The following PAWR variants were observed in gnomAD, a reference collection of about 807,000 sequenced individuals.
The protein encoded by PAWR is pro-apoptotic WT1 regulator.
PAWR carries 23 observed loss-of-function variants against 32.0 expected under a neutral mutation model. That is an observed-to-expected ratio of 0.72 (90% CI 0.52 to 1.02). The LOEUF (loss-of-function observed/expected upper bound fraction) is 1.02. Among genes scored for constraint, PAWR ranks in the 50% least tolerant of loss-of-function variants. PAWR has a pLI of 0.00. For synonymous variants in PAWR, 226 were observed against 187.1 expected, an observed-to-expected ratio of 1.21 and a Z score of -1.70; for missense variants, 457 against 437.7, an observed-to-expected ratio of 1.04 and a Z score of -0.39.
intron 2 of PAWR, among the ~76,000 whole-genome samples, chr12:79,629,634 A>G (rs912954374): frequency 1.3e-5 from 2 of 152,070 alleles, no homozygotes; most frequent in African/African-American, 4.8e-5. Flanking sequence ...TTGACCCAAC[A>G]TTTATAGAAC....
chr12:79,667,478 AAAC>A (rs994740442), intron 2 of PAWR, among the ~76,000 whole-genome samples: 2 of 152,240 alleles, frequency 1.3e-5, no homozygotes, highest in African/African-American at 4.8e-5. Context: ...AGACTGTGAG[AAAC>A]AACAAGCTTT....
chr12:79,623,746 T>C (rs1875144568), intron 2 of PAWR, among the ~76,000 whole-genome samples: 1 of 151,976 alleles, frequency 6.6e-6, no homozygotes, highest in African/African-American at 2.4e-5. Flanking sequence ...CATGAAGAAA[T>C]TTATTTGGAA....
At chr12:79,643,753 A>G (rs907834626) in intron 2 of PAWR, among the ~76,000 whole-genome samples, 3 of 152,176 alleles carry the variant, frequency 2.0e-5, no homozygotes, top group African/African-American at 7.2e-5. Context: ...AAAGCAAAGT[A>G]AGCTACAGCT....
intron 2 of PAWR, among the ~76,000 whole-genome samples, chr12:79,626,218 G>A (rs1184647316): frequency 4.2e-5 from 6 of 141,466 alleles, no homozygotes; most frequent in Non-Finnish European, 9.3e-5. Context: ...AAGAATTAAA[G>A]CAGACTTATC....
intron 2 of PAWR, among the ~76,000 whole-genome samples, chr12:79,672,353 A>T (rs1877945920): frequency 6.6e-6 from 1 of 152,160 alleles, no homozygotes; most frequent in African/African-American, 2.4e-5. Flanking sequence ...TTTAAGTTGA[A>T]TACTTGAAGT....
intron 2 of PAWR, among the ~76,000 whole-genome samples, chr12:79,652,775 G>T (rs1565691384): frequency 6.6e-6 from 1 of 152,164 alleles, no homozygotes; most frequent in Non-Finnish European, 1.5e-5. Context: ...TATAAGCAAA[G>T]AATTGGATTT....
chr12:79,626,763 T>TG (rs1875348242), intron 2 of PAWR, among the ~76,000 whole-genome samples: 1 of 151,716 alleles, frequency 6.6e-6, no homozygotes, highest in Non-Finnish European at 1.5e-5. Flanking sequence ...CAACAGTCCC[T>TG]GGTGTGTTAT....
intron 2 of PAWR, among the ~76,000 whole-genome samples, chr12:79,688,191 C>G (rs1878776243): frequency 6.6e-6 from 1 of 151,226 alleles, no homozygotes. Flanking sequence ...ACAAGATACA[C>G]TCTACTTACT....
chr12:79,652,007 A>G (rs1876872706), intron 2 of PAWR, among the ~76,000 whole-genome samples: 1 of 152,168 alleles, frequency 6.6e-6, no homozygotes, highest in Non-Finnish European at 1.5e-5. Context: ...AAGAGGACAA[A>G]TATGTATGAT....
chr12:79,620,209 T>C (rs900330710), intron 3 of PAWR, among the ~76,000 whole-genome samples: 2 of 152,160 alleles, frequency 1.3e-5, no homozygotes, highest in African/African-American at 4.8e-5. Flanking sequence ...CTCTAATATA[T>C]AACTGATAAA....
In PAWR at chr12:79,676,028, GA is replaced by G. The variant is rs543263304; in HGVS notation, c.516+13700del. Among the ~76,000 whole-genome samples the G allele has an allele frequency of 5.8e-3, 816 of 141,774 alleles. 13 individuals are homozygous for G. The highest frequency in any genetic ancestry group is 0.016 in the African/African-American group (607 of 38,900). 93.0% of individuals were successfully genotyped at this position (141,774 alleles called of 152,430 possible). ...TCGCATTATGAAGTTGGAAACAGAG[GA>G]AAAAAAAAAAATCAAGAATGGAGGC... On this transcript the variant is annotated intron_variant, in intron 2 of 6. Coordinates refer to ENST00000328827, the MANE Select transcript of PAWR (RefSeq NM_002583.4).
At chr12:79,614,981 T>C (rs1874658174) in intron 3 of PAWR, among the ~76,000 whole-genome samples, 1 of 152,160 alleles carries the variant, frequency 6.6e-6, no homozygotes, top group Non-Finnish European at 1.5e-5. Flanking sequence ...TTTTATTGGG[T>C]TGTTGTAGAG....
chr12:79,613,528 AC>A, intron 4 of PAWR, 46 bp downstream of exon 4: 1 of 1,010,834 alleles, frequency 9.9e-7, no homozygotes, highest in East Asian at 2.4e-5. Context: ...TGTCAGACAG[AC>A]ATTACATTCA....
intron 2 of PAWR, among the ~76,000 whole-genome samples, chr12:79,669,650 GA>G (rs1386429694): frequency 6.6e-6 from 1 of 151,870 alleles, no homozygotes; most frequent in Admixed American, 6.6e-5. Flanking sequence ...ATGATACATG[GA>G]AAAAGATTTC....
At chr12:79,687,940 C>T (rs1878761831) in intron 2 of PAWR, among the ~76,000 whole-genome samples, 1 of 152,016 alleles carries the variant, frequency 6.6e-6, no homozygotes, top group Non-Finnish European at 1.5e-5. Context: ...ATAGTTACCA[C>T]TAAAAGAAAG....
chr12:79,658,674 T>C (rs1877204934), intron 2 of PAWR, among the ~76,000 whole-genome samples: 1 of 152,258 alleles, frequency 6.6e-6, no homozygotes, highest in Middle Eastern at 3.4e-3. Flanking sequence ...TTTAATTGTT[T>C]AAGTTTACAG....
intron 4 of PAWR, among the ~76,000 whole-genome samples, chr12:79,601,610 G>A (rs772102954): frequency 2.0e-5 from 3 of 151,774 alleles, no homozygotes; most frequent in East Asian, 1.9e-4. Flanking sequence ...ATTTTTATAG[G>A]ATTTACAATA....
intron 2 of PAWR, among the ~76,000 whole-genome samples, chr12:79,646,560 T>A (rs764743094): frequency 2.6e-5 from 4 of 152,210 alleles, no homozygotes; most frequent in Admixed American, 1.3e-4. Context: ...ATTTACTGTA[T>A]ACAACAAATC....
intron 2 of PAWR, among the ~76,000 whole-genome samples, chr12:79,644,225 A>C (rs187253565): frequency 1.3e-5 from 2 of 152,320 alleles, no homozygotes; most frequent in Admixed American, 1.3e-4. Context: ...GGACAGAACA[A>C]GACTTTTATA....
Sources: allele counts gnomAD v4.1 joint callset (sites outside exome capture counted in the v4.1 genomes callset), GRCh38; gene constraint gnomAD v4.1.1; transcripts MANE v1.5; gene names NCBI Gene and HGNC (gene_info 2026-07-23, HGNC 2026-07-21).